The following PDE4DIP variants were observed in gnomAD, a reference collection of about 807,000 sequenced individuals.
The protein encoded by PDE4DIP is myomegalin.
PDE4DIP carries 59 observed loss-of-function variants against 221.4 expected under a neutral mutation model. That is an observed-to-expected ratio of 0.27 (90% confidence interval 0.22 to 0.33). The LOEUF (loss-of-function observed/expected upper bound fraction) is 0.33, where lower values mean the gene tolerates loss of function less well. Ranked by LOEUF, PDE4DIP falls within the 10% of genes least tolerant of loss-of-function variation. The pLI is 1.00. For synonymous variants in PDE4DIP, 404 were observed against 815.9 expected, an observed-to-expected ratio of 0.50 and a Z score of 8.60; for missense variants, 1,036 against 2,154.2, an observed-to-expected ratio of 0.48 and a Z score of 10.28.
At chr1:149,023,609 T>C (rs111883420) in intron 37 of PDE4DIP, among the ~76,000 whole-genome samples, 25,811 of 86,514 alleles carry the variant, frequency 0.3, 2,785 homozygotes, top group East Asian at 0.59. Context: ...TGTATATGTG[T>C]GCACATATAT....
intron 23 of PDE4DIP, among the ~76,000 whole-genome samples, chr1:149,000,682 T>G (rs1553574380): frequency 1.3e-5 from 2 of 151,924 alleles, no homozygotes; most frequent in South Asian, 2.1e-4. Context: ...TTGGTATTTC[T>G]TAGGTCTGCA....
chr1:149,023,938 G>T (rs1473361749), intron 37 of PDE4DIP, among the ~76,000 whole-genome samples: 1 of 147,604 alleles, frequency 6.8e-6, no homozygotes, highest in African/African-American at 2.5e-5. Context: ...TATATATAGA[G>T]AGAGAGAGAG....
intron 4 of PDE4DIP, among the ~76,000 whole-genome samples, chr1:148,936,856 A>G (rs1240567684): frequency 2.6e-5 from 4 of 151,904 alleles, no homozygotes; most frequent in African/African-American, 4.8e-5. Context: ...TTCAGGGACA[A>G]TAACACACAT....
intron 1 of PDE4DIP, among the ~76,000 whole-genome samples, chr1:148,918,931 G>A (rs2044762638): frequency 1.2e-5 from 1 of 84,942 alleles, no homozygotes; most frequent in Non-Finnish European, 2.3e-5. Flanking sequence ...GAACAGGACT[G>A]GACACTAAAG....
chr1:148,960,266 G>A (rs1202283891), intron 5 of PDE4DIP, among the ~76,000 whole-genome samples: 2 of 150,982 alleles, frequency 1.3e-5, no homozygotes, highest in Admixed American at 1.3e-4. Context: ...CTCTCAGGAA[G>A]TGTAAGTTTG....
chr1:148,920,096 T>C (rs1351937962), intron 1 of PDE4DIP, among the ~76,000 whole-genome samples: 2 of 149,320 alleles, frequency 1.3e-5, no homozygotes, highest in East Asian at 1.9e-4. Flanking sequence ...TGGTATGCTG[T>C]CAAGATTTTT....
intron 5 of PDE4DIP, among the ~76,000 whole-genome samples, chr1:148,948,378 G>T (rs2052316434): frequency 2.6e-5 from 4 of 151,448 alleles, no homozygotes; most frequent in Admixed American, 2.6e-4. Flanking sequence ...TTATCCTAAG[G>T]TGGGGCGCAG....
At chr1:148,974,743 GAAAAAT>G (rs1226613745) in intron 17 of PDE4DIP, 138 bp downstream of exon 20, 1 of 17,286 alleles carries the variant, frequency 5.8e-5, no homozygotes, top group Non-Finnish European at 1.2e-4. Context: ...TCTTTTTGGA[GAAAAAT>G]ATAAGTTATT....
At chr1:148,963,748 C>CTTTTTTTTTTTT (rs66921099) in intron 9 of PDE4DIP, among the ~76,000 whole-genome samples, 17 of 89,096 alleles carry the variant, frequency 1.9e-4, no homozygotes, top group Non-Finnish European at 2.9e-4. Flanking sequence ...TTCTTTCCTT[C>CTTTTTTTTTTTT]TTTTTTTTTT....
chr1:148,855,963 T>C (rs1489516206), intron 1 of PDE4DIP, among the ~76,000 whole-genome samples: 1 of 111,544 alleles, frequency 9.0e-6, no homozygotes, highest in African/African-American at 3.2e-5. Flanking sequence ...TTCAGTTTAT[T>C]CCCTTGGGTA....
Position 149,009,660 on chromosome 1 carries a change from C to T in PDE4DIP, c.4796C>T (p.Ala1599Val), listed in dbSNP as rs2068003905. 7 of 1,614,038 alleles carry T rather than the reference C, an allele frequency of 4.3e-6. 1 individual carries two copies. The highest frequency in any genetic ancestry group is 3.3e-4 in the Middle Eastern group (2 of 6,084). ...TCCCTCACACCCTCCAGCAGCCATG[C>T]CTTGTCTGACTCCCACCGCTCTCCC... The change falls in exon 30 of 44, where the codon GCC (alanine) becomes GTC (valine). Residue 1599 changes from alanine (A) to valine (V), a missense_variant. Coordinates refer to ENST00000369354, the Ensembl canonical transcript of PDE4DIP.
At position 148,975,095 on chromosome 1, in the gene PDE4DIP, C is replaced by T. The variant is rs1248447680; in HGVS notation, c.2319+490C>T. The stretch of plus-strand genomic sequence containing the variant: ...CTCAGGCAGGAGAATCACTTGAACC[C>T]GGGAGGCAGAGGTTGCAGTGAGCTG... On this transcript the variant is annotated intron_variant, in intron 17 of 43. Transcript: ENST00000369354. 6.3e-4 allele frequency among the ~76,000 whole-genome samples: 92 copies of T among 144,978 alleles called. 1 individual carries two copies. Among genetic ancestry groups the T allele is most frequent in the African/African-American group, 1.1e-3 (45 of 39,440 alleles).
At chr1:149,019,174 C>T (rs71661994) in intron 35 of PDE4DIP, among the ~76,000 whole-genome samples, 3 of 27,694 alleles carry the variant, frequency 1.1e-4, no homozygotes, top group East Asian at 6.8e-4. Context: ...GACTCCATGC[C>T]GAGTGGCACT....
intron 19 of PDE4DIP, among the ~76,000 whole-genome samples, chr1:148,979,150 GTA>G (rs1411693899): frequency 5.3e-5 from 8 of 151,830 alleles, no homozygotes; most frequent in African/African-American, 1.9e-4. Flanking sequence ...TTACTTGCCT[GTA>G]CTCCCTGTCT....
intron 16 of PDE4DIP, among the ~76,000 whole-genome samples, chr1:148,973,550 G>T (rs1401857630): frequency 6.6e-6 from 1 of 151,648 alleles, no homozygotes; most frequent in Non-Finnish European, 1.5e-5. Context: ...AACAATATAG[G>T]TTCTTTTTTC....
intron 3 of PDE4DIP, among the ~76,000 whole-genome samples, chr1:148,869,777 TAAAAAAAAA>T (rs3978547): frequency 1.5e-5 from 1 of 68,480 alleles, no homozygotes; most frequent in Admixed American, 1.7e-4. Context: ...TCTTGTGCTC[TAAAAAAAAA>T]AAAAAAAAAA....
chr1:148,927,696 CTAA>C, intron 1 of PDE4DIP, among the ~76,000 whole-genome samples: 1 of 151,460 alleles, frequency 6.6e-6, no homozygotes, highest in African/African-American at 2.4e-5. Flanking sequence ...AACCTCTGAT[CTAA>C]AGACTTCTTT....
At chr1:148,985,492 T>A (rs2061755024) in intron 21 of PDE4DIP, 1 of 152,176 alleles carries the variant, frequency 6.6e-6, no homozygotes, top group Admixed American at 6.5e-5. Flanking sequence ...TTAAGTAATC[T>A]AAGTATTAAC....
At chr1:148,995,877 AAAATAAAAAATAAAAAAAG>A (rs1392201206) in intron 22 of PDE4DIP, among the ~76,000 whole-genome samples, 3 of 149,482 alleles carry the variant, frequency 2.0e-5, no homozygotes, top group Non-Finnish European at 3.0e-5. Flanking sequence ...ATAAAATAAA[AAAATAAAAAATAAAAAAAG>A]AAATAAAAAA....
Sources: gnomAD v4.1 joint callset for allele counts (sites outside exome capture counted in the v4.1 genomes callset) on GRCh38, gnomAD v4.1.1 for gene constraint, MANE v1.5 for transcripts, NCBI Gene and HGNC (gene_info 2026-07-23, HGNC 2026-07-21) for gene names.